FHIP1A: variants seen among roughly 807,000 people sequenced by gnomAD.
FHIP1A encodes FHF complex subunit HOOK-interacting protein 1A.
In FHIP1A, 61 loss-of-function variants were observed where a neutral mutation model predicts 88.6. The observed-to-expected ratio is 0.69, with a 90% CI of 0.56 to 0.85. The LOEUF (loss-of-function observed/expected upper bound fraction) is 0.85. Ranked by LOEUF, FHIP1A falls within the 40% of genes least tolerant of loss-of-function variation. The pLI is 0.00. For missense variants in FHIP1A, 1,154 were observed against 1,273.5 expected, an observed-to-expected ratio of 0.91 and a Z score of 1.43; for synonymous variants, 478 against 496.0, an observed-to-expected ratio of 0.96 and a Z score of 0.48.
Position 151,509,166 on chromosome 4 carries a change from G to T in FHIP1A, c.-123+26518G>T, listed in dbSNP as rs139748724. ...GAAGCATTTATTAAGTATTTTTTTTGTTTGTTTGTTTTTTTTGAGACAGTC... is the reference window on the plus strand; with the variant it reads ...GAAGCATTTATTAAGTATTTTTTTTTTTTGTTTGTTTTTTTTGAGACAGTC... On this transcript the variant is annotated intron_variant, in intron 3 of 13. Transcript: ENST00000435205. Among the ~76,000 whole-genome samples the T allele has an allele frequency of 5.9e-3, 904 of 151,966 alleles. 11 individuals are homozygous for T. The highest frequency in any genetic ancestry group is 0.019 in the African/African-American group (799 of 41,460).
At chr4:151,528,910 G>A in intron 3 of FHIP1A, among the ~76,000 whole-genome samples, 1 of 152,114 alleles carries the variant, frequency 6.6e-6, no homozygotes, top group Non-Finnish European at 1.5e-5. Flanking sequence ...TCACTTCATG[G>A]AACTTCTTAA....
At chr4:151,422,973 A>G (rs1433185044) in intron 1 of FHIP1A, among the ~76,000 whole-genome samples, 2 of 152,106 alleles carry the variant, frequency 1.3e-5, no homozygotes, top group African/African-American at 2.4e-5. Context: ...TTTTCTTCCT[A>G]AAGGCCTTCT....
At chr4:151,433,420 T>C (rs1424659682) in intron 1 of FHIP1A, among the ~76,000 whole-genome samples, 3 of 151,600 alleles carry the variant, frequency 2.0e-5, no homozygotes, top group African/African-American at 7.3e-5. Flanking sequence ...TCCAGGAATG[T>C]AAGCCCAGAT....
intron 3 of FHIP1A, among the ~76,000 whole-genome samples, chr4:151,520,998 G>A (rs905631235): frequency 4.6e-5 from 7 of 152,212 alleles, no homozygotes; most frequent in Non-Finnish European, 2.9e-5. Flanking sequence ...CTCAATTATG[G>A]AAACAGAACA....
intron 8 of FHIP1A, among the ~76,000 whole-genome samples, chr4:151,636,140 A>G (rs1340273309): frequency 2.0e-5 from 3 of 152,028 alleles, no homozygotes; most frequent in South Asian, 2.1e-4. Context: ...AGTGGGATAT[A>G]TCAAACTAGG....
At chr4:151,446,587 T>C (rs569392432) in intron 1 of FHIP1A, among the ~76,000 whole-genome samples, 14 of 149,870 alleles carry the variant, frequency 9.3e-5, no homozygotes, top group Admixed American at 3.3e-4. Context: ...TTTTCTTTTT[T>C]TTTTTTTTTT....
chr4:151,519,662 G>A (rs961929474), intron 3 of FHIP1A, among the ~76,000 whole-genome samples: 2 of 152,022 alleles, frequency 1.3e-5, no homozygotes, highest in Non-Finnish European at 2.9e-5. Context: ...TTTCTTTTGG[G>A]TAAATACCCA....
intron 3 of FHIP1A, among the ~76,000 whole-genome samples, chr4:151,527,125 G>C (rs541456058): frequency 1.3e-5 from 2 of 152,050 alleles, no homozygotes; most frequent in African/African-American, 4.8e-5. Flanking sequence ...ACGGGGTGGC[G>C]GCCGGGCAGA....
At chr4:151,422,225 AT>A (rs1027507569) in intron 1 of FHIP1A, among the ~76,000 whole-genome samples, 20 of 71,660 alleles carry the variant, frequency 2.8e-4, no homozygotes, top group Admixed American at 1.1e-3. Flanking sequence ...CATTAAAAAA[AT>A]ATATATATAT....
rs1368093399 is a variant in FHIP1A, at chr4:151,656,300, C to A, written c.2620C>A (p.Leu874Met). ...GGAGAACTCTTTACATGTTAATTTG[C>A]TGCTTATCGGGATCATTACTCAGCT... Reference protein sequence around the residue: ...MLENSLHVNLLLIGIITQLAS... With the variant: ...MLENSLHVNLMLIGIITQLAS... Residue 874 changes from leucine to methionine, a missense_variant, in exon 12 of 14, where the codon CTG becomes ATG. Leu to Met is a conservative substitution (Grantham distance 15). Transcript: ENST00000435205. This position sits in a 1 kb window ranked among gnomAD's most constrained non-coding sequence, Gnocchi z 4.2. The A allele has an allele frequency of 1.9e-6, 3 of 1,551,624 alleles. No homozygotes were observed. Among genetic ancestry groups the A allele is most frequent in the Non-Finnish European group, 1.7e-6 (2 of 1,146,950 alleles).
chr4:151,578,119 T>C, intron 5 of FHIP1A, 43 bp downstream of exon 5: 3 of 1,504,672 alleles, frequency 2.0e-6, no homozygotes, highest in South Asian at 2.5e-5. Flanking sequence ...ACTCCCTTTT[T>C]TCTCTTCTGT....
In FHIP1A at chr4:151,612,382, G is replaced by T. The variant is rs546670709; in HGVS notation, c.979-17320G>T. Among the ~76,000 whole-genome samples, 6 of 152,136 alleles carry T rather than the reference G, an allele frequency of 3.9e-5. No homozygotes were observed. In the South Asian group the frequency reaches 1.2e-3, roughly 32 times the overall value. Reference sequence around the variant, plus strand: ...TGCTTGGGGGTACCCATATGTTTTTGTTTTTGTTTTTGTTTTGAGATGGAG... The same window carrying T: ...TGCTTGGGGGTACCCATATGTTTTTTTTTTTGTTTTTGTTTTGAGATGGAG... On this transcript the variant is annotated intron_variant, in intron 7 of 13. Transcript: ENST00000435205.
intron 2 of FHIP1A, among the ~76,000 whole-genome samples, chr4:151,455,828 C>A (rs1317398152): frequency 6.6e-6 from 1 of 152,086 alleles, no homozygotes; most frequent in South Asian, 2.1e-4. Context: ...CAAATAGATA[C>A]CAGGAGTCTG....
intron 13 of FHIP1A, among the ~76,000 whole-genome samples, chr4:151,658,585 T>A (rs1423481283): frequency 6.6e-6 from 1 of 152,106 alleles, no homozygotes; most frequent in Non-Finnish European, 1.5e-5. Flanking sequence ...TCACGTAAGG[T>A]CCATTCTGCA....
intron 3 of FHIP1A, among the ~76,000 whole-genome samples, chr4:151,549,205 CA>C (rs1302701605): frequency 6.6e-6 from 1 of 152,018 alleles, no homozygotes; most frequent in Non-Finnish European, 1.5e-5. Context: ...AGCAGGTAAT[CA>C]GGGGAACAGA....
chr4:151,670,459 A>ATAT lies in FHIP1A; in HGVS notation c.*7707_*7709dup, dbSNP rs1737824986. On this transcript the variant is annotated 3_prime_UTR_variant, in exon 14 of 14. Coordinates refer to ENST00000435205, the MANE Select transcript of FHIP1A (RefSeq NM_001109977.3). Reference sequence around the variant, plus strand: ...TGAAGTGTAAGTTAATTTTTATGTGATATTTCAGTATATATTTTATTGATT... The same window carrying ATAT: ...TGAAGTGTAAGTTAATTTTTATGTGATATTATTTCAGTATATATTTTATTGATT... The ATAT allele has an allele frequency of 6.6e-6, 1 of 152,044 alleles. No homozygotes were observed. The highest frequency in any genetic ancestry group is 2.4e-5 in the African/African-American group (1 of 41,384). The allele number at this position is 152,044 out of a possible 1,614,324, so 9.4% of individuals were successfully genotyped here.
intron 9 of FHIP1A, among the ~76,000 whole-genome samples, chr4:151,642,018 AATG>A (rs1283020447): frequency 6.6e-6 from 1 of 152,232 alleles, no homozygotes; most frequent in Non-Finnish European, 1.5e-5. Context: ...AACATTTCAA[AATG>A]ATGATCCATT....
intron 1 of FHIP1A, among the ~76,000 whole-genome samples, chr4:151,412,581 T>TCCC (rs1304150361): frequency 1.5e-5 from 1 of 67,692 alleles, no homozygotes; most frequent in East Asian, 3.8e-4. Flanking sequence ...TTTCTTTCCT[T>TCCC]TCTTTCCTTC....
At chr4:151,509,221 G>A (rs1730937271) in intron 3 of FHIP1A, among the ~76,000 whole-genome samples, 1 of 152,048 alleles carries the variant, frequency 6.6e-6, no homozygotes, top group Non-Finnish European at 1.5e-5. Context: ...GGAGTGCAGT[G>A]GCGTGATCTC....
Sources: gnomAD v4.1 joint callset for allele counts (sites outside exome capture counted in the v4.1 genomes callset) on GRCh38, gnomAD v4.1.1 for gene constraint, Gnocchi (gnomAD v3.1) non-coding constraint, MANE v1.5 for transcripts, NCBI Gene and HGNC (gene_info 2026-07-23, HGNC 2026-07-21) for gene names.